The following RREB1 variants were observed in gnomAD, a reference collection of about 807,000 sequenced individuals.
The protein encoded by RREB1 is ras-responsive element-binding protein 1.
Under a neutral mutation model 117.8 loss-of-function variants are expected in RREB1, and 27 were observed. That is an observed-to-expected ratio of 0.23 (90% CI 0.17 to 0.32). RREB1 has a LOEUF of 0.32. Among genes scored for constraint, RREB1 ranks in the 10% least tolerant of loss-of-function variants. The pLI, the probability that RREB1 is intolerant of heterozygous loss-of-function variation, is 1.00. For missense variants in RREB1, 2,577 were observed against 2,378.2 expected, an observed-to-expected ratio of 1.08 and a Z score of -1.74; for synonymous variants, 1,298 against 1,026.7, an observed-to-expected ratio of 1.26 and a Z score of -5.05.
At chr6:7,203,163 C>A (rs912093576) in intron 6 of RREB1, among the ~76,000 whole-genome samples, 1 of 152,056 alleles carries the variant, frequency 6.6e-6, no homozygotes, top group East Asian at 1.9e-4. Context: ...CTCTCTACCC[C>A]CTACTGGATC....
At chr6:7,232,704 A>G (rs1053496737) in intron 10 of RREB1, among the ~76,000 whole-genome samples, 1 of 151,978 alleles carries the variant, frequency 6.6e-6, no homozygotes, top group Non-Finnish European at 1.5e-5. Flanking sequence ...AAAAAATTCT[A>G]AGTAACAAAC....
intron 10 of RREB1, among the ~76,000 whole-genome samples, chr6:7,236,515 C>T (rs1768328947): frequency 6.6e-6 from 1 of 152,122 alleles, no homozygotes; most frequent in Non-Finnish European, 1.5e-5. Flanking sequence ...GCCGTTTGTA[C>T]CCAGTCCTGT....
At chr6:7,216,930 A>G (rs1766934614) in intron 8 of RREB1, 1 of 152,448 alleles carries the variant, frequency 6.6e-6, no homozygotes, top group Non-Finnish European at 1.5e-5. Flanking sequence ...GGTAGCCACT[A>G]CACACCCTTT....
At chr6:7,159,543 A>G (rs2113457065) in intron 1 of RREB1, among the ~76,000 whole-genome samples, 1 of 152,308 alleles carries the variant, frequency 6.6e-6, no homozygotes, top group East Asian at 1.9e-4. Flanking sequence ...GATTTAACGA[A>G]TGTTCACTGG....
chr6:7,113,816 C>G (rs555136290), intron 1 of RREB1, among the ~76,000 whole-genome samples: 72 of 152,320 alleles, frequency 4.7e-4, no homozygotes, highest in African/African-American at 1.7e-3. Flanking sequence ...CACTTCTGCT[C>G]TTGGTAGCAT....
chr6:7,153,258 C>T (rs1423125659), intron 1 of RREB1, among the ~76,000 whole-genome samples: 1 of 151,522 alleles, frequency 6.6e-6, no homozygotes, highest in Non-Finnish European at 1.5e-5. Flanking sequence ...AAAAAAGTAG[C>T]TTTGTGGTTA....
At chr6:7,188,244 T>TGTGTGTGTGTGTGTGTGTGC (rs1765197966) in intron 5 of RREB1, among the ~76,000 whole-genome samples, 1 of 150,994 alleles carries the variant, frequency 6.6e-6, no homozygotes, top group African/African-American at 2.4e-5. Flanking sequence ...TGTGTGTGTG[T>TGTGTGTGTGTGTGTGTGTGC]GTGTGTGTGC....
chr6:7,228,192 C>T (rs936419643), intron 9 of RREB1, among the ~76,000 whole-genome samples: 1 of 152,026 alleles, frequency 6.6e-6, no homozygotes, highest in Non-Finnish European at 1.5e-5. Context: ...ATACACACAC[C>T]CATGTGTGTG....
At chr6:7,244,218 G>A (rs2113184368) in intron 11 of RREB1, among the ~76,000 whole-genome samples, 1 of 150,154 alleles carries the variant, frequency 6.7e-6, no homozygotes, top group East Asian at 2.0e-4. Context: ...AGCTGAGACT[G>A]CACCACTGCA....
chr6:7,211,934 C>T, intron 8 of RREB1: 1 of 550,846 alleles, frequency 1.8e-6, no homozygotes, highest in Non-Finnish European at 3.2e-6. Context: ...TGCCTTCTTT[C>T]TCTCAGCAAA....
chr6:7,172,699 T>A (rs6899961), intron 1 of RREB1, among the ~76,000 whole-genome samples: 2 of 109,686 alleles, frequency 1.8e-5, no homozygotes, highest in African/African-American at 7.1e-5. Flanking sequence ...TGTGGGGGGG[T>A]GGGGGTGACT....
chr6:7,141,872 G>A (rs540284117), intron 1 of RREB1, among the ~76,000 whole-genome samples: 1 of 152,230 alleles, frequency 6.6e-6, no homozygotes, highest in Non-Finnish European at 1.5e-5. Context: ...TTTCCGCAGA[G>A]GGCTGGATAA....
At chr6:7,146,344 G>A (rs1762856684) in intron 1 of RREB1, among the ~76,000 whole-genome samples, 1 of 152,128 alleles carries the variant, frequency 6.6e-6, no homozygotes. Context: ...TGTGGGACCG[G>A]GGGTAGATGG....
chr6:7,179,262 C>T (rs1764663865), intron 2 of RREB1, among the ~76,000 whole-genome samples: 1 of 152,164 alleles, frequency 6.6e-6, no homozygotes, highest in Admixed American at 6.6e-5. Flanking sequence ...TTTCTACACA[C>T]ATACACACAC....
At chr6:7,113,214 A>G (rs1207177536) in intron 1 of RREB1, among the ~76,000 whole-genome samples, 1 of 152,164 alleles carries the variant, frequency 6.6e-6, no homozygotes, top group African/African-American at 2.4e-5. Flanking sequence ...GTGGGTGGAG[A>G]AAGAGAATGA....
At chr6:7,127,338 G>C (rs1761982595) in intron 1 of RREB1, among the ~76,000 whole-genome samples, 1 of 152,098 alleles carries the variant, frequency 6.6e-6, no homozygotes, top group Non-Finnish European at 1.5e-5. Context: ...TTGGAATTTG[G>C]TATTCTCTTT....
chr6:7,150,794 G>A (rs886890374), intron 1 of RREB1, among the ~76,000 whole-genome samples: 2 of 152,214 alleles, frequency 1.3e-5, no homozygotes, highest in African/African-American at 2.4e-5. Context: ...GCTTGTCTTC[G>A]GTGCCTTGTG....
At chr6:7,145,647 C>T (rs373371643) in intron 1 of RREB1, among the ~76,000 whole-genome samples, 1 of 151,846 alleles carries the variant, frequency 6.6e-6, no homozygotes, top group Non-Finnish European at 1.5e-5. Context: ...GACCTAACCT[C>T]GATTAACCTA....
chr6:7,161,143 T>G (rs981786191), intron 1 of RREB1, among the ~76,000 whole-genome samples: 2 of 152,066 alleles, frequency 1.3e-5, no homozygotes, highest in African/African-American at 4.8e-5. Flanking sequence ...CATTGACCTT[T>G]ATGTTTGAGG....
Sources: allele counts gnomAD v4.1 joint callset (sites outside exome capture counted in the v4.1 genomes callset), GRCh38; gene constraint gnomAD v4.1.1; transcripts MANE v1.5; gene names NCBI Gene and HGNC (gene_info 2026-07-23, HGNC 2026-07-21).